RIMBP2: variants seen among roughly 807,000 people sequenced by gnomAD.
The protein encoded by RIMBP2 is RIMS-binding protein 2.
Under a neutral mutation model 118.6 loss-of-function variants are expected in RIMBP2, and 48 were observed. The observed-to-expected ratio is 0.40, with a 90% confidence interval of 0.32 to 0.51. The LOEUF (loss-of-function observed/expected upper bound fraction) is 0.51. Ranked by LOEUF, RIMBP2 falls within the 20% of genes least tolerant of loss-of-function variation. RIMBP2 has a pLI of 0.41. For synonymous variants in RIMBP2, 762 were observed against 742.9 expected (o/e 1.03, Z -0.42); for missense variants, 1,551 against 1,768.3 (o/e 0.88, Z 2.20).
chr12:130,408,553 G>A (rs1211420716), intron 19 of RIMBP2, among the ~76,000 whole-genome samples: 2 of 152,204 alleles, frequency 1.3e-5, no homozygotes, highest in African/African-American at 2.4e-5. Flanking sequence ...AGGGGCTGCA[G>A]AGGAATTGCC....
intron 3 of RIMBP2, among the ~76,000 whole-genome samples, chr12:130,509,739 G>A (rs896623304): frequency 4.3e-5 from 6 of 140,358 alleles, no homozygotes; most frequent in Non-Finnish European, 7.6e-5. Flanking sequence ...CCCCCGCCCC[G>A]GCAACAGCAC....
intron 14 of RIMBP2, 38 bp from the exon 15 acceptor site, chr12:130,428,375 C>G (rs552682151): frequency 6.3e-7 from 1 of 1,574,970 alleles, no homozygotes; most frequent in East Asian, 2.3e-5. Context: ...GCGGGTGGCT[C>G]CTCCCGCATC....
chr12:130,630,810 G>A (rs963190876), intron 1 of RIMBP2, among the ~76,000 whole-genome samples: 1 of 152,122 alleles, frequency 6.6e-6, no homozygotes, highest in African/African-American at 2.4e-5. Flanking sequence ...CCAACTTAAG[G>A]TTCTATACCC....
Position 130,422,354 on chromosome 12 carries a change from G to A in RIMBP2, c.3238+99C>T, listed in dbSNP as rs2076468747. On this transcript the variant is annotated intron_variant, in intron 17 of 22. Transcript: ENST00000690449. The surrounding 1 kb of genome is among the most constrained non-coding windows in gnomAD (Gnocchi z 5.2). Reference sequence around the variant, plus strand: ...TGAATAACAGTGTTCTTTGCTTAGCGGAAAATGCTACTCCTAAAGTTTTGT... The same window carrying A: ...TGAATAACAGTGTTCTTTGCTTAGCAGAAAATGCTACTCCTAAAGTTTTGT... The A allele has an allele frequency of 2.7e-5, 19 of 713,352 alleles. No homozygotes were observed. The highest frequency in any genetic ancestry group is 4.1e-4 in the Middle Eastern group (1 of 2,442). The allele number at this position is 713,352 out of a possible 1,614,324, so 44.2% of individuals were successfully genotyped here. A position where few individuals can be genotyped will look rare whatever the true frequency, so the allele number is the denominator to read the frequency against.
chr12:130,522,670 GCAGGGAGCCC>G (rs1566190831), intron 2 of RIMBP2, among the ~76,000 whole-genome samples: 1 of 152,172 alleles, frequency 6.6e-6, no homozygotes, highest in Non-Finnish European at 1.5e-5. Flanking sequence ...GAGGGGAGGT[GCAGGGAGCCC>G]CAGGGAGGCA....
intron 12 of RIMBP2, 25 bp downstream of exon 12, chr12:130,438,340 C>CA (rs1441647566): frequency 5.4e-6 from 6 of 1,107,970 alleles, no homozygotes; most frequent in South Asian, 4.9e-5. Context: ...AACAAACCCT[C>CA]CCCACCCACC....
rs543181046 is a variant in RIMBP2, at chr12:130,588,048, G to A, written c.-217+40274C>T. ...CCCTCAGCATCTCAATCCCGTTCCT[G>A]TCCATTCCTGCTCCTGAGCCTTGGA... On this transcript the variant is annotated intron_variant, in intron 2 of 22. Coordinates refer to ENST00000690449, the MANE Select transcript of RIMBP2 (RefSeq NM_001393629.1). 4.6e-5 allele frequency among the ~76,000 whole-genome samples: 7 copies of A among 152,016 alleles called. No individual in the cohort carries two copies. In the South Asian group the frequency reaches 1.0e-3, roughly 23 times the overall value.
chr12:130,442,679 G>A lies in RIMBP2; in HGVS notation c.692-19C>T. 1 of 1,603,332 alleles carries A rather than the reference G, an allele frequency of 6.2e-7. No individual in the cohort carries two copies. The highest frequency in any genetic ancestry group is 1.1e-5 in the South Asian group (1 of 89,202). Reference sequence around the variant, plus strand: ...AGCTCTCCTGTTGGGTACAAGGACAGAGTTATCACCCAGCCAACACAGCAG... The same window carrying A: ...AGCTCTCCTGTTGGGTACAAGGACAAAGTTATCACCCAGCCAACACAGCAG... On this transcript the variant is annotated intron_variant, in intron 10 of 22. Transcript: ENST00000690449. The surrounding 1 kb of genome is among the most constrained non-coding windows in gnomAD (Gnocchi z 6.9).
At chr12:130,432,780 T>G (rs2077231674) in intron 14 of RIMBP2, among the ~76,000 whole-genome samples, 1 of 152,156 alleles carries the variant, frequency 6.6e-6, no homozygotes, top group Non-Finnish European at 1.5e-5. Context: ...AACAGACTTC[T>G]GTTGTTTGAG....
intron 6 of RIMBP2, among the ~76,000 whole-genome samples, chr12:130,464,085 CG>C (rs1271347002): frequency 1.3e-5 from 2 of 152,130 alleles, no homozygotes; most frequent in African/African-American, 4.8e-5. Flanking sequence ...CACCCTCCCC[CG>C]ACAAAAACTC....
At chr12:130,510,898 AAGG>A (rs2050847468) in intron 3 of RIMBP2, among the ~76,000 whole-genome samples, 1 of 152,236 alleles carries the variant, frequency 6.6e-6, no homozygotes, top group East Asian at 1.9e-4. Context: ...GGTTCGCAAC[AAGG>A]AGGAGAGGGT....
intron 1 of RIMBP2, among the ~76,000 whole-genome samples, chr12:130,692,070 T>C (rs981923532): frequency 6.6e-6 from 1 of 152,142 alleles, no homozygotes; most frequent in African/African-American, 2.4e-5. Context: ...AGAAAGGGAA[T>C]TGGAGAGGGC....
chr12:130,666,756 A>T, intron 1 of RIMBP2, among the ~76,000 whole-genome samples: 1 of 117,490 alleles, frequency 8.5e-6, no homozygotes, highest in Non-Finnish European at 1.7e-5. Flanking sequence ...GGAAGGAGTG[A>T]GGGAGGGAAG....
chr12:130,560,325 G>A (rs1223543012), intron 2 of RIMBP2, among the ~76,000 whole-genome samples: 1 of 151,952 alleles, frequency 6.6e-6, no homozygotes, highest in Non-Finnish European at 1.5e-5. Flanking sequence ...AGAGTCGGGG[G>A]TCTCGGTTCC....
At chr12:130,635,540 C>T (rs753820253) in intron 1 of RIMBP2, among the ~76,000 whole-genome samples, 1 of 152,178 alleles carries the variant, frequency 6.6e-6, no homozygotes, top group Non-Finnish European at 1.5e-5. Context: ...TCATCCCCAC[C>T]TGGGACCCAA....
At chr12:130,529,186 GCCA>G (rs1348114164) in intron 2 of RIMBP2, among the ~76,000 whole-genome samples, 1 of 108,704 alleles carries the variant, frequency 9.2e-6, no homozygotes, top group African/African-American at 4.0e-5. Context: ...GCTGATTCAT[GCCA>G]CAACAGGGAT....
At chr12:130,491,914 G>A (rs1315565397) in intron 4 of RIMBP2, among the ~76,000 whole-genome samples, 1 of 152,214 alleles carries the variant, frequency 6.6e-6, no homozygotes, top group Non-Finnish European at 1.5e-5. Flanking sequence ...CACTTAAGCT[G>A]CCTACAAATG....
At chr12:130,680,797 A>T (rs781083484) in intron 1 of RIMBP2, among the ~76,000 whole-genome samples, 1 of 152,218 alleles carries the variant, frequency 6.6e-6, no homozygotes, top group Non-Finnish European at 1.5e-5. Context: ...TGGCAGCGCG[A>T]CTGAGGCTGA....
chr12:130,465,298 C>G (rs556371351), intron 6 of RIMBP2: 1 of 152,368 alleles, frequency 6.6e-6, no homozygotes, highest in South Asian at 2.1e-4. Flanking sequence ...TTCAATGCCT[C>G]GCTCCAGGAG....
Sources: allele counts gnomAD v4.1 joint callset (sites outside exome capture counted in the v4.1 genomes callset), GRCh38; gene constraint gnomAD v4.1.1; non-coding constraint Gnocchi (gnomAD v3.1); transcripts MANE v1.5; gene names NCBI Gene and HGNC (gene_info 2026-07-23, HGNC 2026-07-21).